BAIAP2: variants seen among roughly 807,000 people sequenced by gnomAD.
The protein encoded by BAIAP2 is BAR/IMD domain containing adaptor protein 2, also known as BAR/IMD domain-containing adapter protein 2.
Under a neutral mutation model 63.0 loss-of-function variants are expected in BAIAP2, and 18 were observed. That is an observed-to-expected ratio of 0.29 (90% CI 0.20 to 0.42). The LOEUF is 0.42. BAIAP2 is among the 10% of genes least tolerant of loss of function. The pLI is 1.00. For missense variants in BAIAP2, 610 were observed against 734.3 expected, an observed-to-expected ratio of 0.83 and a Z score of 1.96; for synonymous variants, 386 against 307.6, an observed-to-expected ratio of 1.25 and a Z score of -2.67.
intron 13 of BAIAP2, among the ~76,000 whole-genome samples, chr17:81,111,745 A>G (rs1332466447): frequency 6.6e-6 from 1 of 152,226 alleles, no homozygotes; most frequent in Non-Finnish European, 1.5e-5. Context: ...GTCCAGGAGC[A>G]GGCCCTCTGC....
chr17:81,072,759 G>A (rs778633714), intron 3 of BAIAP2, among the ~76,000 whole-genome samples: 1 of 151,944 alleles, frequency 6.6e-6, no homozygotes, highest in African/African-American at 2.4e-5. Flanking sequence ...TTCGCCCAGC[G>A]TCCTCTGCTT....
intron 1 of BAIAP2, among the ~76,000 whole-genome samples, 185 bp downstream of exon 1, chr17:81,035,493 G>A (rs2046093072): frequency 6.7e-6 from 1 of 148,324 alleles, no homozygotes; most frequent in African/African-American, 2.4e-5. Context: ...GCCCGGCGCC[G>A]GCCGCTCACA....
At chr17:81,047,643 CA>C (rs1568069114) in intron 1 of BAIAP2, among the ~76,000 whole-genome samples, 1 of 9,708 alleles carries the variant, frequency 1.0e-4, no homozygotes, top group Non-Finnish European at 3.0e-4. Flanking sequence ...CACAGGTAAA[CA>C]CGCAGCTCAT....
At chr17:81,110,192 TC>T in intron 13 of BAIAP2, 3 of 985,592 alleles carry the variant, frequency 3.0e-6, no homozygotes, top group African/African-American at 1.7e-5. Context: ...CCCACACACC[TC>T]CCCGTGGCCT....
chr17:81,110,181 T>G (rs1361951437), intron 13 of BAIAP2: 3 of 985,560 alleles, frequency 3.0e-6, no homozygotes, highest in Non-Finnish European at 3.6e-6. Context: ...AGTAAAAGCC[T>G]CCCACACACC....
At chr17:81,072,447 G>T (rs913662654) in intron 3 of BAIAP2, among the ~76,000 whole-genome samples, 1 of 152,140 alleles carries the variant, frequency 6.6e-6, no homozygotes, top group African/African-American at 2.4e-5. Context: ...CCTGTTTGAC[G>T]CCCACACTCG....
chr17:81,062,064 T>C (rs1359324072), intron 3 of BAIAP2, among the ~76,000 whole-genome samples: 3 of 152,092 alleles, frequency 2.0e-5, no homozygotes, highest in African/African-American at 7.2e-5. Flanking sequence ...TGCCTCAGCC[T>C]CCCAAGTAGC....
chr17:81,058,582 T>C (rs2050020800), intron 3 of BAIAP2, among the ~76,000 whole-genome samples: 1 of 152,224 alleles, frequency 6.6e-6, no homozygotes, highest in South Asian at 2.1e-4. Context: ...TGAGGTTTCC[T>C]CTGCCCGCCT....
In BAIAP2 at chr17:81,035,314, C is replaced by G. The variant is rs1410246688; in HGVS notation, c.54+6C>G. On this transcript the variant is annotated splice_donor_region_variant and intron_variant, in intron 1 of 13. Transcript: ENST00000428708. ...TCACGGAAAATGTCTATAAGGTGAG[C>G]GCCCCCCGGCGCCGAGCTGAGCCCG... 7.0e-7 allele frequency: 1 copy of G among 1,433,328 alleles called. No homozygotes were observed. The highest frequency in any genetic ancestry group is 2.2e-5 in the Admixed American group (1 of 44,572). The allele number at this position is 1,433,328 out of a possible 1,614,324, so 88.8% of individuals were successfully genotyped here.
At chr17:81,054,377 G>C (rs1049480402) in intron 2 of BAIAP2, among the ~76,000 whole-genome samples, 16 of 152,200 alleles carry the variant, frequency 1.1e-4, no homozygotes, top group Admixed American at 7.2e-4. Flanking sequence ...AGATGGACTT[G>C]GGCACAGCCT....
At position 81,081,819 on chromosome 17, in the gene BAIAP2, G is replaced by A. The variant is rs377623091; in HGVS notation, c.218-3013G>A. Among the ~76,000 whole-genome samples, 382 of 152,242 alleles carry A rather than the reference G, an allele frequency of 2.5e-3. 5 individuals carry two copies. The South Asian group carries it at 0.038, about 15-fold the overall frequency. On this transcript the variant is annotated intron_variant, in intron 3 of 13. Coordinates refer to ENST00000428708, the MANE Select transcript of BAIAP2 (RefSeq NM_001144888.2). ...GCAGTGGTGCAGCTCCCTCCTGACC[G>A]CAGTGCAGCCCCAGGGGGCCATCGC...
intron 7 of BAIAP2, among the ~76,000 whole-genome samples, chr17:81,100,981 C>T (rs576735192): frequency 9.2e-4 from 140 of 152,272 alleles, no homozygotes; most frequent in African/African-American, 1.9e-3. Flanking sequence ...CCCCTCTGCC[C>T]GTCATCTGTT....
At chr17:81,074,612 C>A (rs1426861526) in intron 3 of BAIAP2, among the ~76,000 whole-genome samples, 1 of 142,838 alleles carries the variant, frequency 7.0e-6, no homozygotes, top group African/African-American at 2.7e-5. Flanking sequence ...TGCACGGATG[C>A]GTGAGTGCCT....
At chr17:81,108,700 G>A in intron 13 of BAIAP2, 191 bp downstream of exon 13, 1 of 864,252 alleles carries the variant, frequency 1.2e-6, no homozygotes. Context: ...GAACCCCCCT[G>A]GGCCCTGCCC....
chr17:81,109,289 C>T lies in BAIAP2; in HGVS notation c.1535+780C>T, dbSNP rs1321314153. Reference sequence around the variant, plus strand: ...GGGCCGTGCGGGGCACCCTCGGCCTCACCCTGCAGTGTCTGTGGCACTCAC... The same window carrying T: ...GGGCCGTGCGGGGCACCCTCGGCCTTACCCTGCAGTGTCTGTGGCACTCAC... On this transcript the variant is annotated intron_variant, in intron 13 of 13. Transcript: ENST00000428708. 4 of 1,240,884 alleles carry T rather than the reference C, an allele frequency of 3.2e-6. No homozygotes were observed. In the African/African-American group the frequency reaches 4.7e-5, roughly 15 times the overall value. The allele number at this position is 1,240,884 out of a possible 1,614,324, so 76.9% of individuals were successfully genotyped here.
chr17:81,037,838 C>G (rs4969240), intron 1 of BAIAP2, among the ~76,000 whole-genome samples: 51 of 152,366 alleles, frequency 3.3e-4, no homozygotes, highest in African/African-American at 1.2e-3. Flanking sequence ...GACGCTTGTC[C>G]TTGGCCTTGG....
intron 13 of BAIAP2, chr17:81,109,384 AAAAAAAAAAAAG>A (rs1438181384): frequency 3.7e-5 from 37 of 1,013,202 alleles, no homozygotes; most frequent in African/African-American, 3.1e-4. Flanking sequence ...AAAAAAAAAA[AAAAAAAAAAAAG>A]AAAAAAAGAA....
At chr17:81,103,882 G>A (rs373571526) in intron 8 of BAIAP2, 25 bp from the exon 9 acceptor site, 49 of 1,611,536 alleles carry the variant, frequency 3.0e-5, no homozygotes, top group Non-Finnish European at 3.9e-5. Flanking sequence ...TCCAGCAACA[G>A]CCTGCTCTGC....
At chr17:81,035,593 C>T (rs1247087864) in intron 1 of BAIAP2, among the ~76,000 whole-genome samples, 5 of 150,318 alleles carry the variant, frequency 3.3e-5, no homozygotes, top group Admixed American at 6.6e-5. Flanking sequence ...CTCCCCGCTC[C>T]GACGGCCCTG....
Sources: gnomAD v4.1 joint callset for allele counts (sites outside exome capture counted in the v4.1 genomes callset) on GRCh38, gnomAD v4.1.1 for gene constraint, MANE v1.5 for transcripts, NCBI Gene and HGNC (gene_info 2026-07-23, HGNC 2026-07-21) for gene names.